TFAP2D: variants seen among roughly 807,000 people sequenced by gnomAD.
TFAP2D encodes transcription factor AP-2 delta, also known as transcription factor AP-2-delta.
In TFAP2D, 9 loss-of-function variants were observed where a neutral mutation model predicts 43.6. The observed-to-expected ratio is 0.21, with a 90% CI of 0.12 to 0.36. The LOEUF (loss-of-function observed/expected upper bound fraction) is 0.36, where lower values mean the gene tolerates loss of function less well. Among genes scored for constraint, TFAP2D ranks in the 10% least tolerant of loss-of-function variants. The probability of loss-of-function intolerance (pLI) is 1.00; values close to 1 mark genes in which losing one functional copy is unlikely to be tolerated. For synonymous variants in TFAP2D, 256 were observed against 224.9 expected, an observed-to-expected ratio of 1.14 and a Z score of -1.24; for missense variants, 513 against 561.4, an observed-to-expected ratio of 0.91 and a Z score of 0.87.
At chr6:50,718,553 T>G (rs538309798) in intron 2 of TFAP2D, among the ~76,000 whole-genome samples, 1 of 152,168 alleles carries the variant, frequency 6.6e-6, no homozygotes, top group Non-Finnish European at 1.5e-5. Context: ...AGGCCTACAG[T>G]GAGTGAACCT....
intron 6 of TFAP2D, among the ~76,000 whole-genome samples, chr6:50,750,064 T>G (rs1312419660): frequency 6.6e-6 from 1 of 151,932 alleles, no homozygotes; most frequent in Non-Finnish European, 1.5e-5. Context: ...TCAATAAATT[T>G]TAGATACCTG....
At chr6:50,751,879 A>G (rs1769205861) in intron 7 of TFAP2D, among the ~76,000 whole-genome samples, 1 of 152,032 alleles carries the variant, frequency 6.6e-6, no homozygotes, top group African/African-American at 2.4e-5. Flanking sequence ...TTTAGATTGG[A>G]AAATTTTATA....
chr6:50,768,903 C>CTTTTTTT (rs34182627), intron 7 of TFAP2D, among the ~76,000 whole-genome samples: 2 of 127,872 alleles, frequency 1.6e-5, no homozygotes, highest in Non-Finnish European at 3.3e-5. Context: ...AACGAAGTGG[C>CTTTTTTT]TTTTTTTTTT....
intron 1 of TFAP2D, among the ~76,000 whole-genome samples, chr6:50,714,664 C>T (rs905826366): frequency 6.6e-6 from 1 of 152,270 alleles, no homozygotes; most frequent in Non-Finnish European, 1.5e-5. Context: ...AATTTCGATG[C>T]TGGGGTCTAG....
intron 6 of TFAP2D, among the ~76,000 whole-genome samples, chr6:50,746,227 T>TTTTG (rs3830761): frequency 0.24 from 36,724 of 151,000 alleles, 5,071 homozygotes; most frequent in East Asian, 0.42. Flanking sequence ...GGGAAAAGTA[T>TTTTG]TTTGTTTGTT....
chr6:50,714,172 G>A (rs1392756251), intron 1 of TFAP2D, 78 bp downstream of exon 1: 1 of 1,448,668 alleles, frequency 6.9e-7, no homozygotes, highest in African/African-American at 1.4e-5. Flanking sequence ...GGTGGCGGCG[G>A]CGGTGGCAGC....
At chr6:50,756,285 A>G (rs1157649877) in intron 7 of TFAP2D, among the ~76,000 whole-genome samples, 1 of 152,074 alleles carries the variant, frequency 6.6e-6, no homozygotes, top group African/African-American at 2.4e-5. Flanking sequence ...AAAGCAGACA[A>G]TTGTCAGAGT....
chr6:50,745,051 T>C lies in TFAP2D; in HGVS notation c.884-56T>C, dbSNP rs1354152947. 8 of 1,600,950 alleles carry C rather than the reference T, an allele frequency of 5.0e-6. No individual in the cohort carries two copies. In the Admixed American group the frequency reaches 1.1e-4, roughly 21 times the overall value. ...GAGGCTTGAGCAAAATGCAAGACAC[T>C]ACTGTTATTAAGGTTGGATACTGGT... On this transcript the variant is annotated intron_variant, in intron 5 of 7. Coordinates refer to ENST00000008391, the MANE Select transcript of TFAP2D (RefSeq NM_172238.4).
At chr6:50,771,807 G>C (rs1769532922) in intron 7 of TFAP2D, among the ~76,000 whole-genome samples, 1 of 152,130 alleles carries the variant, frequency 6.6e-6, no homozygotes, top group Non-Finnish European at 1.5e-5. Context: ...CTGTAAACTA[G>C]TTCAACCATT....
chr6:50,762,018 C>T (rs1769369535), intron 7 of TFAP2D, among the ~76,000 whole-genome samples: 1 of 152,056 alleles, frequency 6.6e-6, no homozygotes, highest in Non-Finnish European at 1.5e-5. Context: ...TAATGTCAAG[C>T]AATTTCTAAG....
In TFAP2D at chr6:50,766,823, C is replaced by T. The variant is rs978277548; in HGVS notation, c.1140-5822C>T. ...AGCTGGGACTACAGGTGCCCGCCAC[C>T]GCGCCTGGCTAATTTTTTGTATTTT... is the stretch of plus-strand genomic sequence containing the variant. On this transcript the variant is annotated intron_variant, in intron 7 of 7. Coordinates refer to ENST00000008391, the MANE Select transcript of TFAP2D (RefSeq NM_172238.4). 8.6e-5 allele frequency among the ~76,000 whole-genome samples: 13 copies of T among 151,476 alleles called. No individual in the cohort carries two copies. In the South Asian group the frequency reaches 1.5e-3, roughly 17 times the overall value.
intron 2 of TFAP2D, 136 bp downstream of exon 2, chr6:50,715,749 T>TAAA (rs1768615589): frequency 2.3e-6 from 1 of 425,782 alleles, no homozygotes; most frequent in Non-Finnish European, 4.1e-6. Flanking sequence ...TCTCTCTCTC[T>TAAA]CACACACACA....
At chr6:50,757,983 T>C (rs1450122132) in intron 7 of TFAP2D, among the ~76,000 whole-genome samples, 1 of 150,918 alleles carries the variant, frequency 6.6e-6, no homozygotes, top group Non-Finnish European at 1.5e-5. Context: ...TATATGTAAA[T>C]AAATGTAGAT....
chr6:50,728,029 T>C (rs945998453), intron 3 of TFAP2D, among the ~76,000 whole-genome samples: 2 of 152,290 alleles, frequency 1.3e-5, no homozygotes, highest in Non-Finnish European at 2.9e-5. Flanking sequence ...TTTCTGGAGC[T>C]TGGAGACAGA....
intron 7 of TFAP2D, among the ~76,000 whole-genome samples, chr6:50,758,608 C>T (rs549163341): frequency 2.6e-5 from 4 of 152,126 alleles, no homozygotes; most frequent in South Asian, 2.1e-4. Flanking sequence ...CTTGGCAACA[C>T]GCTGAAGAGC....
intron 7 of TFAP2D, among the ~76,000 whole-genome samples, chr6:50,768,088 T>G (rs1769468836): frequency 6.6e-6 from 1 of 152,182 alleles, no homozygotes; most frequent in African/African-American, 2.4e-5. Flanking sequence ...TATATGCAAA[T>G]GCCAAGGGTA....
At chr6:50,722,312 C>A (rs1173261370) in intron 3 of TFAP2D, among the ~76,000 whole-genome samples, 5 of 152,216 alleles carry the variant, frequency 3.3e-5, no homozygotes, top group Admixed American at 1.3e-4. Context: ...TCGCCTCGGG[C>A]GTAGGCTTTG....
intron 5 of TFAP2D, among the ~76,000 whole-genome samples, chr6:50,739,898 A>G (rs1769013358): frequency 6.6e-6 from 1 of 152,206 alleles, no homozygotes; most frequent in Non-Finnish European, 1.5e-5. Context: ...TGACAAAAGC[A>G]ACATCAAACT....
At chr6:50,738,876 C>T (rs530724980) in intron 5 of TFAP2D, among the ~76,000 whole-genome samples, 21 of 152,218 alleles carry the variant, frequency 1.4e-4, no homozygotes, top group Middle Eastern at 3.4e-3. Flanking sequence ...CATATTAACT[C>T]GCTAGTGGCT....
Sources: allele counts gnomAD v4.1 joint callset (sites outside exome capture counted in the v4.1 genomes callset), GRCh38; gene constraint gnomAD v4.1.1; transcripts MANE v1.5; gene names NCBI Gene and HGNC (gene_info 2026-07-23, HGNC 2026-07-21).